The following PARD3 variants were observed in gnomAD, a reference collection of about 807,000 sequenced individuals.
PARD3 encodes partitioning defective 3 homolog.
In PARD3, 75 loss-of-function variants were observed where a neutral mutation model predicts 155.4. The observed-to-expected ratio is 0.48, with a 90% CI of 0.40 to 0.58. PARD3 has a LOEUF of 0.58. Among genes scored for constraint, PARD3 ranks in the 20% least tolerant of loss-of-function variants. PARD3 has a pLI of 0.00. For synonymous variants in PARD3, 576 were observed against 610.5 expected (o/e 0.94, Z 0.83); for missense variants, 1,642 against 1,721.7 (o/e 0.95, Z 0.82).
chr10:34,250,566 C>G (rs994923458), intron 22 of PARD3, among the ~76,000 whole-genome samples: 1 of 151,470 alleles, frequency 6.6e-6, no homozygotes, highest in Non-Finnish European at 1.5e-5. Flanking sequence ...GTAGTTGACC[C>G]AGGTAAGTGG....
rs115667956 is a variant in PARD3 at position 34,293,129 on chromosome 10, T to C, written c.3066-8884A>G. Among the ~76,000 whole-genome samples, 190 of 152,250 alleles carry C rather than the reference T, an allele frequency of 1.2e-3. 1 individual carries two copies. The highest frequency in any genetic ancestry group is 4.3e-3 in the African/African-American group (180 of 41,544). ...GAAATAAAAGCAAACACAGTAATCCTTCAAAACACAAGATAAATACACAAA... is the reference window on the plus strand; with the variant it reads ...GAAATAAAAGCAAACACAGTAATCCCTCAAAACACAAGATAAATACACAAA... On this transcript the variant is annotated intron_variant, in intron 20 of 24. Coordinates refer to ENST00000374788, the MANE Select transcript of PARD3 (RefSeq NM_001184785.2).
chr10:34,530,879 T>G (rs2082800191), intron 2 of PARD3, among the ~76,000 whole-genome samples: 1 of 152,224 alleles, frequency 6.6e-6, no homozygotes, highest in Non-Finnish European at 1.5e-5. Context: ...TTCAACGCCT[T>G]GAACTCCTGG....
At position 34,713,628 on chromosome 10, in the gene PARD3, T is replaced by C. The variant is rs112631567; in HGVS notation, c.121-17209A>G. Among the ~76,000 whole-genome samples the C allele has an allele frequency of 5.5e-3, 841 of 152,120 alleles. 8 individuals carry two copies. Among genetic ancestry groups the C allele is most frequent in the African/African-American group, 0.019 (798 of 41,502 alleles). ...AATTAAAAATAAAATTAGTCAGGCG[T>C]GGTGTTCTGCACCTGTAGTCCCAGC... On this transcript the variant is annotated intron_variant, in intron 1 of 24. Transcript: ENST00000374788.
At chr10:34,351,195 A>C (rs1235279795) in intron 14 of PARD3, among the ~76,000 whole-genome samples, 4 of 152,192 alleles carry the variant, frequency 2.6e-5, no homozygotes, top group African/African-American at 9.6e-5. Context: ...CCCTTCAACA[A>C]ACCTAAAACT....
intron 3 of PARD3, among the ~76,000 whole-genome samples, chr10:34,513,349 G>A (rs11009808): frequency 6.6e-6 from 1 of 152,086 alleles, no homozygotes; most frequent in African/African-American, 2.4e-5. Context: ...GCATGATCTC[G>A]GCTCACTGCA....
At chr10:34,484,933 G>A (rs1246568922) in intron 3 of PARD3, among the ~76,000 whole-genome samples, 1 of 152,112 alleles carries the variant, frequency 6.6e-6, no homozygotes, top group African/African-American at 2.4e-5. Context: ...GCCCTCCTAG[G>A]TTTTAGGACC....
At chr10:34,627,400 T>G (rs552579123) in intron 2 of PARD3, among the ~76,000 whole-genome samples, 2 of 152,362 alleles carry the variant, frequency 1.3e-5, no homozygotes, top group South Asian at 4.1e-4. Context: ...AACTCCAGTA[T>G]GTCAGAATGT....
chr10:34,325,531 A>C lies in PARD3; in HGVS notation c.2833+5586T>G, dbSNP rs368239937. ...ATCAGCTGGGCACCCCTACACCACC[A>C]CCCCCTCCCCAGTGTCACACTAACT... On this transcript the variant is annotated intron_variant, in intron 19 of 24. Coordinates refer to ENST00000374788, the MANE Select transcript of PARD3 (RefSeq NM_001184785.2). Among the ~76,000 whole-genome samples the C allele has an allele frequency of 2.2e-3, 326 of 149,920 alleles. 3 individuals are homozygous for C. Among genetic ancestry groups the C allele is most frequent in the African/African-American group, 7.8e-3 (314 of 40,326 alleles).
At chr10:34,526,277 G>A (rs911222797) in intron 2 of PARD3, among the ~76,000 whole-genome samples, 2 of 151,934 alleles carry the variant, frequency 1.3e-5, no homozygotes, top group Admixed American at 6.6e-5. Flanking sequence ...GCAACTGGGG[G>A]TGAAATACTT....
intron 9 of PARD3, among the ~76,000 whole-genome samples, chr10:34,381,128 A>C (rs1197737460): frequency 6.6e-6 from 1 of 152,192 alleles, no homozygotes; most frequent in African/African-American, 2.4e-5. Context: ...AAGTTCACTG[A>C]AAGAATATGA....
chr10:34,793,750 C>T (rs180849046), intron 1 of PARD3, among the ~76,000 whole-genome samples: 2 of 151,286 alleles, frequency 1.3e-5, no homozygotes, highest in African/African-American at 4.9e-5. Context: ...TGCGCCATTG[C>T]CTGGGCAACA....
chr10:34,679,724 A>T (rs1278761931), intron 2 of PARD3, among the ~76,000 whole-genome samples: 1 of 152,170 alleles, frequency 6.6e-6, no homozygotes, highest in African/African-American at 2.4e-5. Flanking sequence ...CCTTCATTTT[A>T]TCTCAGGTCT....
intron 1 of PARD3, among the ~76,000 whole-genome samples, chr10:34,786,920 TAG>T (rs1270780388): frequency 1.3e-5 from 2 of 152,146 alleles, no homozygotes; most frequent in Non-Finnish European, 2.9e-5. Context: ...AACTGGTAGA[TAG>T]ACAGTTGCAA....
intron 2 of PARD3, among the ~76,000 whole-genome samples, chr10:34,649,158 C>T (rs894532022): frequency 1.1e-4 from 16 of 152,132 alleles, no homozygotes; most frequent in Admixed American, 6.5e-4. Flanking sequence ...TTCTGAGAGA[C>T]GCATGGCTTG....
chr10:34,781,602 G>A (rs143993197), intron 1 of PARD3, among the ~76,000 whole-genome samples: 247 of 152,310 alleles, frequency 1.6e-3, no homozygotes, highest in African/African-American at 5.0e-3. Context: ...AATATACCAG[G>A]CCTTTTCCTA....
intron 2 of PARD3, among the ~76,000 whole-genome samples, chr10:34,639,901 T>C (rs1269007206): frequency 6.6e-6 from 1 of 151,996 alleles, no homozygotes; most frequent in Non-Finnish European, 1.5e-5. Context: ...AAAGAGCAGA[T>C]ACCTCGCAGA....
intron 15 of PARD3, chr10:34,343,623 TACC>T (rs1837068347): frequency 2.0e-6 from 2 of 985,282 alleles, no homozygotes; most frequent in African/African-American, 3.5e-5. Context: ...TCCAAGATTA[TACC>T]AGGGTAATGG....
chr10:34,232,514 G>A (rs746137841), intron 22 of PARD3, among the ~76,000 whole-genome samples: 1 of 152,062 alleles, frequency 6.6e-6, no homozygotes, highest in East Asian at 1.9e-4. Context: ...CAAACAAGAT[G>A]ACTTTTATAC....
chr10:34,122,522 T>C (rs1463004607), intron 23 of PARD3, among the ~76,000 whole-genome samples: 1 of 152,320 alleles, frequency 6.6e-6, no homozygotes, highest in East Asian at 1.9e-4. Flanking sequence ...AACTGACATA[T>C]TTCATACTAT....
Sources: gnomAD v4.1 joint callset for allele counts (sites outside exome capture counted in the v4.1 genomes callset) on GRCh38, gnomAD v4.1.1 for gene constraint, MANE v1.5 for transcripts, NCBI Gene and HGNC (gene_info 2026-07-23, HGNC 2026-07-21) for gene names.